FTO: variants seen among roughly 807,000 people sequenced by gnomAD.
FTO encodes FTO alpha-ketoglutarate dependent dioxygenase.
A neutral mutation model predicts 63.9 loss-of-function variants in FTO; 47 were observed. That is an observed-to-expected ratio of 0.74 (90% CI 0.58 to 0.94). The LOEUF (loss-of-function observed/expected upper bound fraction) is 0.94, where lower values mean the gene tolerates loss of function less well. Among genes scored for constraint, FTO ranks in the 40% least tolerant of loss-of-function variants. FTO has a pLI of 0.00. For synonymous variants in FTO, 207 were observed against 224.4 expected, an observed-to-expected ratio of 0.92 and a Z score of 0.69; for missense variants, 562 against 618.1, an observed-to-expected ratio of 0.91 and a Z score of 0.96.
Position 53,986,151 on chromosome 16 carries a change from A to G in FTO, c.1364+52042A>G, listed in dbSNP as rs78072463. ...TATTCTACTTTCGAAATAAGTTCAC[A>G]TTGCTCTAACACTTCATAAGTTCAA... On this transcript the variant is annotated intron_variant, in intron 8 of 8. Transcript: ENST00000471389. Among the ~76,000 whole-genome samples the G allele has an allele frequency of 1.5e-3, 222 of 152,310 alleles. 3 individuals are homozygous for G. The East Asian group carries it at 0.033, about 23-fold the overall frequency.
At chr16:53,732,529 A>G (rs2076296383) in intron 1 of FTO, among the ~76,000 whole-genome samples, 1 of 152,232 alleles carries the variant, frequency 6.6e-6, no homozygotes, top group Non-Finnish European at 1.5e-5. Context: ...GGAACTGTGA[A>G]GTATCTTTTA....
chr16:53,903,859 G>A (rs2151930675), intron 7 of FTO, among the ~76,000 whole-genome samples: 1 of 152,090 alleles, frequency 6.6e-6, no homozygotes, highest in South Asian at 2.1e-4. Flanking sequence ...AAGAGAGATG[G>A]TCAAATGCCT....
rs776071679 is a variant in FTO, at chr16:53,826,175, C to T, written c.435C>T (p.Tyr145=). Residue 145 remains tyrosine, a synonymous_variant, in exon 3 of 9, where the codon TAC becomes TAT. Coordinates refer to ENST00000471389, the MANE Select transcript of FTO (RefSeq NM_001080432.3). ...ACETFLKLND[Y]LQIETIQALE... Reference sequence around the variant, plus strand: ...AGACCTTCCTCAAGCTCAATGACTACCTGCAGATAGAAACCATCCAGGCTT... The same window carrying T: ...AGACCTTCCTCAAGCTCAATGACTATCTGCAGATAGAAACCATCCAGGCTT... 7 of 1,614,130 alleles carry T rather than the reference C, an allele frequency of 4.3e-6. No individual in the cohort carries two copies. The South Asian group carries it at 7.7e-5, about 18-fold the overall frequency.
At chr16:53,951,361 G>A (rs12925189) in intron 8 of FTO, among the ~76,000 whole-genome samples, 67,848 of 151,956 alleles carry the variant, frequency 0.45, 18,352 homozygotes, top group Non-Finnish European at 0.6. Context: ...CTTAGTGACA[G>A]TCATCCATGT....
At chr16:53,873,302 G>C (rs1228858399) in intron 4 of FTO, among the ~76,000 whole-genome samples, 1 of 152,096 alleles carries the variant, frequency 6.6e-6, no homozygotes, top group African/African-American at 2.4e-5. Context: ...CCACAAATAA[G>C]TAGAGTGACC....
At chr16:53,969,635 G>C (rs1225707208) in intron 8 of FTO, among the ~76,000 whole-genome samples, 2 of 152,042 alleles carry the variant, frequency 1.3e-5, no homozygotes, top group African/African-American at 4.8e-5. Flanking sequence ...GATGTGACAG[G>C]ACCTATATCC....
intron 8 of FTO, among the ~76,000 whole-genome samples, chr16:54,088,803 A>G (rs1460496166): frequency 6.6e-6 from 1 of 152,220 alleles, no homozygotes; most frequent in African/African-American, 2.4e-5. Context: ...CACACTGGGA[A>G]AATTCATTCA....
intron 8 of FTO, among the ~76,000 whole-genome samples, chr16:54,017,367 A>G (rs1309347769): frequency 1.3e-5 from 2 of 152,168 alleles, no homozygotes; most frequent in African/African-American, 2.4e-5. Flanking sequence ...GATGCCAACA[A>G]TTCCTCTTAA....
At chr16:54,077,763 G>A (rs1221276350) in intron 8 of FTO, among the ~76,000 whole-genome samples, 3 of 152,174 alleles carry the variant, frequency 2.0e-5, no homozygotes, top group African/African-American at 7.2e-5. Context: ...GTGGGGAGCT[G>A]AGTCAGAAGG....
intron 8 of FTO, among the ~76,000 whole-genome samples, chr16:53,953,006 G>A (rs1472203598): frequency 6.6e-6 from 1 of 152,094 alleles, no homozygotes; most frequent in Non-Finnish European, 1.5e-5. Flanking sequence ...TGGATAATTG[G>A]GAAACTTAGA....
chr16:54,040,206 C>G (rs1467910071), intron 8 of FTO: 1 of 152,176 alleles, frequency 6.6e-6, no homozygotes, highest in Non-Finnish European at 1.5e-5. Flanking sequence ...TTTCTTTCCA[C>G]TAATAAAGAT....
intron 8 of FTO, among the ~76,000 whole-genome samples, chr16:54,027,061 T>C (rs570210928): frequency 2.0e-5 from 3 of 149,430 alleles, no homozygotes; most frequent in African/African-American, 7.7e-5. Flanking sequence ...AACAGGATAG[T>C]TATGAGAGTG....
intron 1 of FTO, among the ~76,000 whole-genome samples, chr16:53,778,495 A>G (rs956331888): frequency 1.4e-4 from 21 of 152,200 alleles, no homozygotes; most frequent in African/African-American, 5.1e-4. Context: ...CGTCAGTGGA[A>G]ATGTCCACAC....
chr16:53,889,914 T>G (rs1201755636), intron 7 of FTO, among the ~76,000 whole-genome samples: 1 of 152,178 alleles, frequency 6.6e-6, no homozygotes, highest in East Asian at 1.9e-4. Context: ...TAAAACTTCT[T>G]TAACTTTTAT....
intron 8 of FTO, among the ~76,000 whole-genome samples, chr16:54,068,888 T>C (rs1466155931): frequency 2.6e-5 from 4 of 152,122 alleles, no homozygotes; most frequent in Admixed American, 2.6e-4. Context: ...TCAGATTGTG[T>C]TCATCACACC....
intron 3 of FTO, among the ~76,000 whole-genome samples, chr16:53,836,674 C>A (rs1397594816): frequency 6.6e-6 from 1 of 152,174 alleles, no homozygotes; most frequent in Non-Finnish European, 1.5e-5. Flanking sequence ...GTAAGGAATT[C>A]TCTCACTTCA....
In FTO at chr16:54,120,360, T is replaced by G. The variant is rs1433344176; in HGVS notation, c.*8445T>G. The G allele has an allele frequency of 6.6e-6, 1 of 152,244 alleles. No homozygotes were observed. The highest frequency in any genetic ancestry group is 1.9e-4 in the East Asian group (1 of 5,202). 9.4% of individuals were successfully genotyped at this position (152,244 alleles called of 1,614,324 possible). On this transcript the variant is annotated 3_prime_UTR_variant, in exon 9 of 9. Transcript: ENST00000471389. The stretch of plus-strand genomic sequence containing the variant: ...TTCAGTCTTAGCCAACACACACTTG[T>G]TGATTCCTTCCGGAATGTCAGACTC...
chr16:53,950,048 G>A (rs1350634720), intron 8 of FTO, among the ~76,000 whole-genome samples: 1 of 145,908 alleles, frequency 6.9e-6, no homozygotes, highest in African/African-American at 2.5e-5. Context: ...TTTTTGGGGG[G>A]GGAAAGTAAA....
chr16:53,899,871 A>G (rs1479275596), intron 7 of FTO, among the ~76,000 whole-genome samples: 1 of 152,246 alleles, frequency 6.6e-6, no homozygotes, highest in African/African-American at 2.4e-5. Context: ...TTGTAATTCT[A>G]TAAGCAGCAG....
Sources: gnomAD v4.1 joint callset for allele counts (sites outside exome capture counted in the v4.1 genomes callset) on GRCh38, gnomAD v4.1.1 for gene constraint, MANE v1.5 for transcripts, NCBI Gene and HGNC (gene_info 2026-07-23, HGNC 2026-07-21) for gene names.